EPRS1: variants seen among roughly 807,000 people sequenced by gnomAD.
EPRS1 encodes bifunctional glutamate/proline--tRNA ligase.
In EPRS1, 107 loss-of-function variants were observed where a neutral mutation model predicts 188.3. That is an observed-to-expected ratio of 0.57 (90% CI 0.49 to 0.67). EPRS1 has a LOEUF of 0.67. EPRS1 is among the 30% of genes least tolerant of loss of function. The pLI is 0.00. For missense variants in EPRS1, 1,577 were observed against 1,802.2 expected (o/e 0.88, Z 2.26); for synonymous variants, 596 against 593.1 (o/e 1.00, Z -0.07).
At chr1:219,969,720 T>C (rs1342388837) in intron 30 of EPRS1, among the ~76,000 whole-genome samples, 1 of 152,160 alleles carries the variant, frequency 6.6e-6, no homozygotes, top group East Asian at 1.9e-4. Flanking sequence ...ATCAAGATAC[T>C]TAGGATTTTA....
At chr1:220,019,785 A>C (rs1002672338) in intron 10 of EPRS1, among the ~76,000 whole-genome samples, 8 of 152,210 alleles carry the variant, frequency 5.3e-5, no homozygotes, top group East Asian at 1.9e-4. Context: ...CATGATCCCC[A>C]GTGGGCACTC....
chr1:219,988,475 G>C, intron 19 of EPRS1, 115 bp downstream of exon 19: 1 of 663,528 alleles, frequency 1.5e-6, no homozygotes, highest in East Asian at 2.7e-5. Flanking sequence ...AGAGAATTAA[G>C]AACTGAAATA....
At chr1:220,032,362 TA>T (rs34457701) in intron 5 of EPRS1, 24 bp downstream of exon 5, 329 of 1,501,802 alleles carry the variant, frequency 2.2e-4, no homozygotes, top group African/African-American at 9.1e-4. Flanking sequence ...TTTTTTTTTT[TA>T]AAAAAAAAGA....
intron 21 of EPRS1, among the ~76,000 whole-genome samples, 183 bp from the exon 22 acceptor site, chr1:219,983,581 G>C (rs1156276801): frequency 5.3e-5 from 8 of 151,942 alleles, no homozygotes; most frequent in Admixed American, 4.6e-4. Flanking sequence ...CATATAACAG[G>C]GTTCCAAACT....
At position 219,968,622 on chromosome 1, in the gene EPRS1, G is replaced by A. The variant is rs111721811; in HGVS notation, c.*184C>T. ...ATATTAGTTCATGATATTTATTACT[G>A]GAGTTGTTTACAGAAAAGTCTTTTA... On this transcript the variant is annotated 3_prime_UTR_variant, in exon 32 of 32. Coordinates refer to ENST00000366923, the MANE Select transcript of EPRS1 (RefSeq NM_004446.3). 2.1e-5 allele frequency: 12 copies of A among 568,312 alleles called. No individual in the cohort carries two copies. Among genetic ancestry groups the A allele is most frequent in the Middle Eastern group, 4.7e-4 (1 of 2,140 alleles). The allele number at this position is 568,312 out of a possible 1,614,324, so 35.2% of individuals were successfully genotyped here.
chr1:220,018,094 T>C (rs1197292948), intron 12 of EPRS1: 8 of 1,267,116 alleles, frequency 6.3e-6, no homozygotes, highest in Non-Finnish European at 7.2e-6. Context: ...CTAAAAGCTA[T>C]GTTTAAGGCA....
chr1:219,979,952 G>C, intron 26 of EPRS1, 133 bp downstream of exon 26: 1 of 808,516 alleles, frequency 1.2e-6, no homozygotes, highest in Non-Finnish European at 2.0e-6. Context: ...AGATTTGTTT[G>C]AAATTATTAT....
At chr1:219,999,815 A>C (rs112838627) in intron 17 of EPRS1, among the ~76,000 whole-genome samples, 9,132 of 152,148 alleles carry the variant, frequency 0.06, 386 homozygotes, top group Non-Finnish European at 0.09. Flanking sequence ...CTCTACTAAA[A>C]ATATAAAAAA....
chr1:220,030,057 A>T (rs1180037076), intron 6 of EPRS1, among the ~76,000 whole-genome samples: 2 of 152,248 alleles, frequency 1.3e-5, no homozygotes, highest in Non-Finnish European at 2.9e-5. Flanking sequence ...ATACAAATCC[A>T]ATTAAATGAA....
chr1:219,994,534 TAAA>T (rs972984254), intron 18 of EPRS1, among the ~76,000 whole-genome samples: 2 of 148,670 alleles, frequency 1.3e-5, no homozygotes, highest in South Asian at 2.1e-4. Flanking sequence ...GACAAAATAT[TAAA>T]AAAGAAAAAG....
At chr1:220,045,188 C>G (rs1558065024) in intron 1 of EPRS1, among the ~76,000 whole-genome samples, 1 of 152,160 alleles carries the variant, frequency 6.6e-6, no homozygotes. Context: ...TGTGTATTAT[C>G]ATACATATGC....
chr1:219,986,500 C>T (rs1215432082), intron 20 of EPRS1, among the ~76,000 whole-genome samples: 1 of 152,060 alleles, frequency 6.6e-6, no homozygotes, highest in East Asian at 1.9e-4. Context: ...TCTTATGGAC[C>T]AATGTCATAT....
chr1:220,010,819 A>AG, intron 13 of EPRS1, 127 bp downstream of exon 13: 4 of 605,190 alleles, frequency 6.6e-6, no homozygotes, highest in Non-Finnish European at 5.8e-6. Flanking sequence ...AAAAAAAAAA[A>AG]AAAAAAGAAA....
chr1:220,011,747 T>G (rs2102583936), intron 12 of EPRS1, among the ~76,000 whole-genome samples: 1 of 152,306 alleles, frequency 6.6e-6, no homozygotes, highest in African/African-American at 2.4e-5. Context: ...CTATTCTACT[T>G]CCAAATCATC....
intron 16 of EPRS1, among the ~76,000 whole-genome samples, chr1:220,004,064 GT>G (rs1326425631): frequency 1.3e-5 from 2 of 152,200 alleles, no homozygotes; most frequent in East Asian, 1.9e-4. Context: ...GTCTTGCTCT[GT>G]CACCAAGGCT....
intron 1 of EPRS1, 21 bp from the exon 2 acceptor site, chr1:220,040,290 T>A: frequency 4.8e-6 from 7 of 1,453,802 alleles, no homozygotes; most frequent in Non-Finnish European, 5.7e-6. Flanking sequence ...TATGAAAAGA[T>A]TTTTTATCTT....
intron 11 of EPRS1, 38 bp downstream of exon 11, chr1:220,018,957 T>C (rs1035695031): frequency 1.4e-6 from 2 of 1,405,144 alleles, no homozygotes; most frequent in Non-Finnish European, 2.0e-6. Context: ...GTACCTGAAA[T>C]TTCAAACAGA....
At chr1:219,972,238 C>T in intron 29 of EPRS1, 91 bp from the exon 30 acceptor site, 1 of 796,422 alleles carries the variant, frequency 1.3e-6, no homozygotes, top group South Asian at 1.8e-5. Flanking sequence ...AATGAAAAGA[C>T]AACCTGGGAG....
At chr1:220,032,365 A>G (rs1403061811) in intron 5 of EPRS1, 22 bp downstream of exon 5, 1 of 1,567,286 alleles carries the variant, frequency 6.4e-7, no homozygotes, top group Non-Finnish European at 8.6e-7. Context: ...TTTTTTTTAA[A>G]AAAAAAGAAA....
Sources: allele counts gnomAD v4.1 joint callset (sites outside exome capture counted in the v4.1 genomes callset), GRCh38; gene constraint gnomAD v4.1.1; transcripts MANE v1.5; gene names NCBI Gene and HGNC (gene_info 2026-07-23, HGNC 2026-07-21).